The following DMD variants were observed in gnomAD, a reference collection of about 807,000 sequenced individuals.
The protein encoded by DMD is dystrophin.
In DMD, 63 loss-of-function variants were observed where a neutral mutation model predicts 330.1. The observed-to-expected ratio is 0.19, with a 90% CI of 0.16 to 0.24. DMD has a LOEUF of 0.24. Ranked by LOEUF, DMD falls within the 10% of genes least tolerant of loss-of-function variation. The probability of loss-of-function intolerance (pLI) is 1.00; values close to 1 mark genes in which losing one functional copy is unlikely to be tolerated. For missense variants in DMD, 3,344 were observed against 2,684.1 expected, an observed-to-expected ratio of 1.25 and a Z score of -5.43; for synonymous variants, 1,223 against 959.8, an observed-to-expected ratio of 1.27 and a Z score of -5.07.
chrX:31,833,569 TAGTC>T (rs949637669), intron 49 of DMD, among the ~76,000 whole-genome samples: 3 of 111,547 alleles, frequency 2.7e-5, no homozygotes, highest in Non-Finnish European at 5.6e-5. Flanking sequence ...AGAAGTTGGT[TAGTC>T]AGAGATTTTA....
intron 52 of DMD, among the ~76,000 whole-genome samples, chrX:31,697,647 C>T (rs950993411): frequency 1.8e-5 from 2 of 112,051 alleles, no homozygotes; most frequent in African/African-American, 3.2e-5. Context: ...GTTTAATTAT[C>T]GATATACATT....
intron 24 of DMD, among the ~76,000 whole-genome samples, 180 bp from the exon 25 acceptor site, chrX:32,463,774 T>A (rs761957526): frequency 8.9e-6 from 1 of 112,259 alleles, no homozygotes; most frequent in Non-Finnish European, 1.9e-5. Context: ...GCAAAAATGT[T>A]CAATGGTTAT....
chrX:32,773,184 T>TA (rs2073804874), intron 7 of DMD, among the ~76,000 whole-genome samples: 1 of 112,105 alleles, frequency 8.9e-6, no homozygotes, highest in African/African-American at 3.2e-5. Flanking sequence ...ATTCATAAAC[T>TA]AAAAGTAGAG....
chrX:33,020,610 G>T (rs977072631), intron 1 of DMD, among the ~76,000 whole-genome samples: 1 of 111,659 alleles, frequency 9.0e-6, no homozygotes, highest in Non-Finnish European at 1.9e-5. Flanking sequence ...GGAGGTGGAG[G>T]TTGCAGTGAG....
At chrX:32,830,367 AT>A (rs1447225283) in intron 4 of DMD, among the ~76,000 whole-genome samples, 1 of 111,506 alleles carries the variant, frequency 9.0e-6, no homozygotes, top group Non-Finnish European at 1.9e-5. Context: ...AAATAACTGA[AT>A]GGTAAAAATA....
At chrX:32,526,361 C>A (rs1391237215) in intron 17 of DMD, among the ~76,000 whole-genome samples, 1 of 111,444 alleles carries the variant, frequency 9.0e-6, no homozygotes, top group Non-Finnish European at 1.9e-5. Context: ...CAAATATACT[C>A]ATCAGAAACC....
In DMD at chrX:31,236,261, T is replaced by A. The variant is rs146868324; in HGVS notation, c.9287-13140A>T. ...GCTCTCAACTACCTGCCTCCAGACTTCTTGTTCTACAAAAAATATCAACTC... is the reference window on the plus strand; with the variant it reads ...GCTCTCAACTACCTGCCTCCAGACTACTTGTTCTACAAAAAATATCAACTC... On this transcript the variant is annotated intron_variant, in intron 63 of 78. Transcript: ENST00000357033. Among the ~76,000 whole-genome samples, 5 of 112,542 alleles carry A rather than the reference T, an allele frequency of 4.4e-5. No individual in the cohort carries two copies. The East Asian group carries it at 1.4e-3, about 31-fold the overall frequency.
intron 7 of DMD, among the ~76,000 whole-genome samples, chrX:32,793,776 A>G (rs1038019273): frequency 1.8e-5 from 2 of 111,609 alleles, no homozygotes; most frequent in Non-Finnish European, 3.8e-5. Flanking sequence ...AAAATTTCCC[A>G]ACGAAGACAG....
intron 1 of DMD, among the ~76,000 whole-genome samples, chrX:33,096,296 T>C (rs904620989): frequency 9.0e-6 from 1 of 111,283 alleles, no homozygotes; most frequent in Admixed American, 9.6e-5. Context: ...TTTTGGGAGA[T>C]GTAAAATAAA....
chrX:33,003,097 A>T (rs1218672345), intron 2 of DMD, among the ~76,000 whole-genome samples: 1 of 109,604 alleles, frequency 9.1e-6, no homozygotes, highest in Non-Finnish European at 1.9e-5. Flanking sequence ...ATCACCTGAG[A>T]AGTATACACC....
chrX:31,413,607 G>T (rs1395021508), intron 60 of DMD, among the ~76,000 whole-genome samples: 1 of 111,938 alleles, frequency 8.9e-6, no homozygotes, highest in Non-Finnish European at 1.9e-5. Flanking sequence ...TTTATGGAGG[G>T]TTGTGAAATG....
chrX:32,018,828 T>C (rs1171639028), intron 44 of DMD, among the ~76,000 whole-genome samples: 1 of 111,524 alleles, frequency 9.0e-6, no homozygotes, highest in African/African-American at 3.3e-5. Flanking sequence ...CAGCATACAT[T>C]GTGTACTTAT....
intron 43 of DMD, among the ~76,000 whole-genome samples, chrX:32,273,213 A>G (rs1305381890): frequency 1.8e-5 from 2 of 109,403 alleles, no homozygotes; most frequent in Non-Finnish European, 3.8e-5. Flanking sequence ...ATTAGGAAAG[A>G]AAAAAAAAGG....
intron 63 of DMD, among the ~76,000 whole-genome samples, chrX:31,247,511 A>G (rs1175156115): frequency 2.8e-5 from 3 of 109,046 alleles, no homozygotes; most frequent in Non-Finnish European, 5.7e-5. Context: ...GAGGCAGAAG[A>G]ATCACTTGAA....
chrX:32,676,289 C>A (rs1373923813), intron 9 of DMD, among the ~76,000 whole-genome samples: 2 of 111,314 alleles, frequency 1.8e-5, no homozygotes, highest in Admixed American at 1.9e-4. Context: ...TTATGTAGCA[C>A]TTGCTCTTGT....
At chrX:32,767,612 C>G (rs1472923953) in intron 7 of DMD, among the ~76,000 whole-genome samples, 1 of 111,498 alleles carries the variant, frequency 9.0e-6, no homozygotes, top group Non-Finnish European at 1.9e-5. Flanking sequence ...TTTTTTTCCA[C>G]TTAGTGTTTG....
chrX:32,067,333 A>G (rs569202921), intron 44 of DMD, among the ~76,000 whole-genome samples: 19 of 111,206 alleles, frequency 1.7e-4, no homozygotes, highest in African/African-American at 5.9e-4. Context: ...TTTAGTGACC[A>G]CGAATATTTA....
intron 2 of DMD, among the ~76,000 whole-genome samples, chrX:32,986,752 GA>G (rs1338748091): frequency 9.0e-6 from 1 of 111,539 alleles, no homozygotes; most frequent in African/African-American, 3.2e-5. Flanking sequence ...TTAGTTCAAG[GA>G]ACTGAATGAT....
chrX:32,466,568 C>T (rs1202762533), intron 23 of DMD, among the ~76,000 whole-genome samples: 3 of 111,104 alleles, frequency 2.7e-5, no homozygotes, highest in African/African-American at 3.3e-5. Context: ...GGAGATTATA[C>T]TGGATCATCC....
Sources: allele counts gnomAD v4.1 joint callset (sites outside exome capture counted in the v4.1 genomes callset), GRCh38; gene constraint gnomAD v4.1.1; transcripts MANE v1.5; gene names NCBI Gene and HGNC (gene_info 2026-07-23, HGNC 2026-07-21).